ZNF565: variants seen among roughly 807,000 people sequenced by gnomAD.
ZNF565 encodes zinc finger protein 565.
In ZNF565, 27 loss-of-function variants were observed where a neutral mutation model predicts 39.4. The ratio of observed to expected loss-of-function variants is 0.69; its 90% CI spans 0.51 to 0.95. ZNF565 has a LOEUF of 0.95. Ranked by LOEUF, ZNF565 falls within the 40% of genes least tolerant of loss-of-function variation. The probability of loss-of-function intolerance (pLI) is 0.00; values close to 1 mark genes in which losing one functional copy is unlikely to be tolerated. For synonymous variants in ZNF565, 185 were observed against 216.6 expected, an observed-to-expected ratio of 0.85 and a Z score of 1.28; for missense variants, 524 against 621.1, an observed-to-expected ratio of 0.84 and a Z score of 1.66.
chr19:36,223,402 C>A (rs1469857178), intron 1 of ZNF565, among the ~76,000 whole-genome samples: 1 of 152,012 alleles, frequency 6.6e-6, no homozygotes, highest in Non-Finnish European at 1.5e-5. Context: ...TCTCTCCGTC[C>A]CCCAGGCTGG....
intron 2 of ZNF565, among the ~76,000 whole-genome samples, chr19:36,201,308 C>T (rs939685564): frequency 3.3e-5 from 5 of 151,894 alleles, no homozygotes; most frequent in Admixed American, 2.0e-4. Flanking sequence ...TCTCAAAAAA[C>T]GAAACAAAAC....
chr19:36,208,771 C>T (rs1234850455), intron 1 of ZNF565, among the ~76,000 whole-genome samples: 1 of 152,152 alleles, frequency 6.6e-6, no homozygotes, highest in Non-Finnish European at 1.5e-5. Context: ...CCTTAGTAAT[C>T]TCTTCCTGAA....
intron 1 of ZNF565, among the ~76,000 whole-genome samples, chr19:36,211,449 T>TCACACACACACACACACA (rs370230430): frequency 3.6e-5 from 5 of 137,776 alleles, no homozygotes; most frequent in African/African-American, 1.4e-4. Flanking sequence ...CAACTCTCTC[T>TCACACACACACACACACA]CACACACACA....
At chr19:36,235,080 A>G (rs746086287) in intron 1 of ZNF565, among the ~76,000 whole-genome samples, 10 of 151,952 alleles carry the variant, frequency 6.6e-5, no homozygotes, top group Non-Finnish European at 1.0e-4. Context: ...ATGGTGGTGC[A>G]CACCTGTAAT....
chr19:36,226,356 A>G (rs1310454256), intron 1 of ZNF565, among the ~76,000 whole-genome samples: 1 of 152,160 alleles, frequency 6.6e-6, no homozygotes, highest in Non-Finnish European at 1.5e-5. Flanking sequence ...ACACCCCATT[A>G]GGAATTGGGT....
intron 1 of ZNF565, chr19:36,213,157 T>C (rs1009459023): frequency 6.7e-6 from 1 of 150,100 alleles, no homozygotes; most frequent in African/African-American, 2.4e-5. Context: ...CTAGAGTCAC[T>C]GGCACACTTG....
At chr19:36,198,098 C>T (rs1975829788) in intron 2 of ZNF565, among the ~76,000 whole-genome samples, 1 of 150,802 alleles carries the variant, frequency 6.6e-6, no homozygotes, top group South Asian at 2.1e-4. Context: ...GCACCACTGC[C>T]GGCATGGGCA....
intron 1 of ZNF565, among the ~76,000 whole-genome samples, chr19:36,206,350 T>C (rs1460571134): frequency 2.0e-5 from 3 of 151,972 alleles, no homozygotes; most frequent in Non-Finnish European, 4.4e-5. Flanking sequence ...AGCTCACTCC[T>C]GTCATCTCAG....
intron 1 of ZNF565, among the ~76,000 whole-genome samples, chr19:36,234,055 T>C (rs1417234954): frequency 6.6e-6 from 1 of 152,152 alleles, no homozygotes; most frequent in Non-Finnish European, 1.5e-5. Context: ...GTTGTGTCTC[T>C]GGGTACTTGA....
At chr19:36,237,809 T>C (rs1164376398) in intron 1 of ZNF565, 1 of 167,094 alleles carries the variant, frequency 6.0e-6, no homozygotes, top group Non-Finnish European at 1.5e-5. Flanking sequence ...CATCAGGAAA[T>C]GAGGAAATAA....
At chr19:36,225,953 G>T (rs35244427) in intron 1 of ZNF565, among the ~76,000 whole-genome samples, 1 of 151,824 alleles carries the variant, frequency 6.6e-6, no homozygotes, top group Non-Finnish European at 1.5e-5. Flanking sequence ...ATTTTTTGCA[G>T]AGATGGGGTC....
At chr19:36,222,115 G>C (rs776513805) in intron 1 of ZNF565, among the ~76,000 whole-genome samples, 10 of 151,806 alleles carry the variant, frequency 6.6e-5, no homozygotes, top group Non-Finnish European at 1.3e-4. Context: ...TTGTAGAGAT[G>C]AGGTCTCACT....
At chr19:36,239,580 T>C (rs954394055) in intron 1 of ZNF565, among the ~76,000 whole-genome samples, 12 of 152,158 alleles carry the variant, frequency 7.9e-5, no homozygotes, top group African/African-American at 2.9e-4. Context: ...CATGGCCTGT[T>C]CAAGTGCTGC....
intron 1 of ZNF565, among the ~76,000 whole-genome samples, chr19:36,221,634 T>G (rs1410304829): frequency 1.3e-5 from 2 of 152,200 alleles, no homozygotes; most frequent in African/African-American, 2.4e-5. Flanking sequence ...TTGAAGTAAG[T>G]AATGCATTTC....
At chr19:36,195,912 G>A (rs1281401926) in intron 2 of ZNF565, among the ~76,000 whole-genome samples, 1 of 147,916 alleles carries the variant, frequency 6.8e-6, no homozygotes, top group Non-Finnish European at 1.5e-5. Context: ...AATTTATCCA[G>A]GAAATATCTT....
upstream of ZNF565, among the ~76,000 whole-genome samples, chr19:36,218,535 G>A (rs918147611): frequency 2.0e-5 from 3 of 151,268 alleles, no homozygotes; most frequent in Non-Finnish European, 2.9e-5. Flanking sequence ...GCCTGATCTC[G>A]GCTCACTGCA....
intron 1 of ZNF565, chr19:36,203,340 A>C (rs1157293281): frequency 6.6e-6 from 1 of 150,748 alleles, no homozygotes; most frequent in Non-Finnish European, 1.5e-5. Context: ...CTGTCTCAAA[A>C]AAAAAAAAAA....
At chr19:36,192,180 G>T (rs1237935495) in intron 4 of ZNF565, among the ~76,000 whole-genome samples, 4 of 151,524 alleles carry the variant, frequency 2.6e-5, no homozygotes, top group Non-Finnish European at 5.9e-5. Context: ...GTAGAGACGG[G>T]GTTTCACCAT....
intron 1 of ZNF565, among the ~76,000 whole-genome samples, chr19:36,220,428 G>T (rs1486347629): frequency 2.0e-5 from 3 of 151,442 alleles, no homozygotes; most frequent in Non-Finnish European, 4.4e-5. Context: ...GCAGTGGCAC[G>T]ATCTCAGCTC....
Sources: allele counts gnomAD v4.1 joint callset (sites outside exome capture counted in the v4.1 genomes callset), GRCh38; gene constraint gnomAD v4.1.1; transcripts MANE v1.5; gene names NCBI Gene and HGNC (gene_info 2026-07-23, HGNC 2026-07-21).